The following MMP26 variants were observed in gnomAD, a reference collection of about 807,000 sequenced individuals.
MMP26 encodes the protein matrix metallopeptidase 26.
Under a neutral mutation model 31.0 loss-of-function variants are expected in MMP26, and 33 were observed. The observed-to-expected ratio is 1.06, with a 90% CI of 0.81 to 1.42. MMP26 has a LOEUF of 1.42. Among genes scored for constraint, MMP26 ranks in the 40% most tolerant of loss-of-function variants. The pLI is 0.00. For synonymous variants in MMP26, 122 were observed against 114.9 expected, an observed-to-expected ratio of 1.06 and a Z score of -0.40; for missense variants, 347 against 316.1, an observed-to-expected ratio of 1.10 and a Z score of -0.74.
At chr11:4,790,497 CCT>C (rs1849011580) in intron 2 of MMP26, among the ~76,000 whole-genome samples, 1 of 152,146 alleles carries the variant, frequency 6.6e-6, no homozygotes, top group Non-Finnish European at 1.5e-5. Context: ...TAGAAATGGG[CCT>C]CTCAGTCCCT....
intron 2 of MMP26, among the ~76,000 whole-genome samples, chr11:4,982,864 A>G (rs1006486507): frequency 3.9e-5 from 6 of 152,144 alleles, no homozygotes; most frequent in African/African-American, 1.2e-4. Flanking sequence ...CAGCGTTCCT[A>G]CAACATTGTT....
At chr11:4,842,452 T>C (rs7936211) in intron 2 of MMP26, among the ~76,000 whole-genome samples, 50,257 of 152,042 alleles carry the variant, frequency 0.33, 8,681 homozygotes, top group South Asian at 0.51. Context: ...CTTACAATCA[T>C]GGTGGAAGGT....
intron 2 of MMP26, among the ~76,000 whole-genome samples, chr11:4,775,345 C>A (rs1244402252): frequency 6.6e-6 from 1 of 152,092 alleles, no homozygotes; most frequent in African/African-American, 2.4e-5. Context: ...TCTTTCACTT[C>A]CCTTGTTAAT....
chr11:4,845,137 A>G (rs981513662), intron 2 of MMP26, among the ~76,000 whole-genome samples: 1 of 152,142 alleles, frequency 6.6e-6, no homozygotes, highest in East Asian at 1.9e-4. Flanking sequence ...AAAAGAAATT[A>G]AAAAGTAATC....
chr11:4,919,017 C>A (rs1368659132), intron 2 of MMP26, among the ~76,000 whole-genome samples: 2 of 152,186 alleles, frequency 1.3e-5, no homozygotes, highest in African/African-American at 4.8e-5. Flanking sequence ...TTCTCTGGGT[C>A]TCATCAATAT....
chr11:4,827,742 A>G (rs1025400972), intron 2 of MMP26, among the ~76,000 whole-genome samples: 1 of 151,996 alleles, frequency 6.6e-6, no homozygotes, highest in African/African-American at 2.4e-5. Context: ...AGAAAAAAAT[A>G]GAAGAAAGAT....
intron 1 of MMP26, chr11:4,723,091 C>G: frequency 1.4e-6 from 2 of 1,439,244 alleles, no homozygotes; most frequent in Non-Finnish European, 2.0e-6. Flanking sequence ...ACGGCATGTT[C>G]TGCTTGGCCC....
At chr11:4,785,952 TACTC>T (rs1304249838) in intron 2 of MMP26, among the ~76,000 whole-genome samples, 1 of 152,210 alleles carries the variant, frequency 6.6e-6, no homozygotes, top group Non-Finnish European at 1.5e-5. Flanking sequence ...GAGGAAATCT[TACTC>T]AGATGACAAT....
intron 2 of MMP26, chr11:4,909,192 A>T (rs1020299795): frequency 6.6e-6 from 1 of 152,112 alleles, no homozygotes; most frequent in African/African-American, 2.4e-5. Context: ...TTCCTGCAGG[A>T]CACGACATTT....
intron 2 of MMP26, among the ~76,000 whole-genome samples, chr11:4,933,405 A>G (rs992832960): frequency 6.6e-6 from 1 of 152,100 alleles, no homozygotes; most frequent in African/African-American, 2.4e-5. Context: ...AACACAGGTT[A>G]TATATGCAAA....
intron 2 of MMP26, among the ~76,000 whole-genome samples, chr11:4,981,226 A>G (rs546568183): frequency 1.1e-4 from 16 of 152,248 alleles, no homozygotes; most frequent in African/African-American, 3.1e-4. Context: ...TAAAACATAT[A>G]GGTGTGTTTG....
intron 2 of MMP26, among the ~76,000 whole-genome samples, chr11:4,822,920 G>A (rs1379349480): frequency 6.6e-6 from 1 of 152,076 alleles, no homozygotes; most frequent in African/African-American, 2.4e-5. Context: ...ACCATATTAT[G>A]TGCTCAGCAT....
chr11:4,783,137 C>A (rs1848887504), intron 2 of MMP26, among the ~76,000 whole-genome samples: 1 of 152,188 alleles, frequency 6.6e-6, no homozygotes, highest in African/African-American at 2.4e-5. Context: ...AATGATAGAT[C>A]CACCAGTAGC....
At chr11:4,778,834 T>G (rs1188455343) in intron 2 of MMP26, among the ~76,000 whole-genome samples, 1 of 152,080 alleles carries the variant, frequency 6.6e-6, no homozygotes. Context: ...TTGCATGATT[T>G]CTGATGCTAT....
intron 2 of MMP26, among the ~76,000 whole-genome samples, chr11:4,939,349 G>A (rs1263129471): frequency 1.3e-5 from 2 of 152,074 alleles, no homozygotes; most frequent in Admixed American, 6.6e-5. Context: ...CAAATAAAAT[G>A]TGTCTGATTT....
At chr11:4,760,319 A>T (rs2133410002) in intron 1 of MMP26, among the ~76,000 whole-genome samples, 1 of 152,320 alleles carries the variant, frequency 6.6e-6, no homozygotes, top group Admixed American at 6.5e-5. Context: ...TTTAAGATGG[A>T]TCCTTTATTA....
chr11:4,864,233 A>C (rs1305316514), intron 2 of MMP26, among the ~76,000 whole-genome samples: 2 of 152,190 alleles, frequency 1.3e-5, no homozygotes, highest in Non-Finnish European at 2.9e-5. Flanking sequence ...TACCTCATGT[A>C]TAATTTCTTG....
At chr11:4,968,449 G>C (rs1437710780) in intron 2 of MMP26, among the ~76,000 whole-genome samples, 1 of 151,636 alleles carries the variant, frequency 6.6e-6, no homozygotes, top group East Asian at 1.9e-4. Context: ...TTTCATTTAG[G>C]ATTTGATTTT....
intron 2 of MMP26, among the ~76,000 whole-genome samples, chr11:4,939,845 A>G (rs897896587): frequency 2.2e-4 from 33 of 152,250 alleles, no homozygotes; most frequent in African/African-American, 7.9e-4. Flanking sequence ...ATGACATAAG[A>G]TATATCACTT....
Sources: allele counts gnomAD v4.1 joint callset (sites outside exome capture counted in the v4.1 genomes callset), GRCh38; gene constraint gnomAD v4.1.1; transcripts MANE v1.5; gene names NCBI Gene and HGNC (gene_info 2026-07-23, HGNC 2026-07-21).